Variants in ZNF85 observed in about 807,000 individuals in gnomAD.
ZNF85 encodes zinc finger protein 85 (HPF4, HTF1).
ZNF85 carries 50 observed loss-of-function variants against 53.9 expected under a neutral mutation model. The ratio of observed to expected loss-of-function variants is 0.93; its 90% CI spans 0.74 to 1.17. The LOEUF (loss-of-function observed/expected upper bound fraction) is 1.17, where lower values mean the gene tolerates loss of function less well. Among genes scored for constraint, ZNF85 ranks in the 50% most tolerant of loss-of-function variants. The probability of loss-of-function intolerance (pLI) is 0.00; values close to 1 mark genes in which losing one functional copy is unlikely to be tolerated. For synonymous variants in ZNF85, 225 were observed against 226.1 expected (o/e 1.00, Z 0.04); for missense variants, 747 against 688.5 (o/e 1.08, Z -0.95).
chr19:20,946,592 A>ACACACACACCCC (rs367859040), intron 3 of ZNF85, among the ~76,000 whole-genome samples: 7 of 151,432 alleles, frequency 4.6e-5, no homozygotes, highest in South Asian at 2.1e-4. Context: ...ACACACACAC[A>ACACACACACCCC]CCCCACAAAT....
chr19:20,942,978 G>A (rs1380149358), intron 3 of ZNF85: 1 of 527,738 alleles, frequency 1.9e-6, no homozygotes, highest in Non-Finnish European at 3.3e-6. Context: ...GTCTCACTTT[G>A]TTGCCCAGTC....
intron 3 of ZNF85, 36 bp downstream of exon 3, chr19:20,935,083 CAT>C: frequency 6.9e-7 from 1 of 1,439,758 alleles, no homozygotes; most frequent in Admixed American, 1.8e-5. Context: ...GCAGATGACA[CAT>C]GAGAGGTCCA....
chr19:20,923,473 C>T (rs1013536331), intron 1 of ZNF85, 70 bp downstream of exon 1: 7 of 1,610,014 alleles, frequency 4.3e-6, no homozygotes, highest in African/African-American at 2.7e-5. Context: ...GCGGCTGTGG[C>T]GGGACTCAGG....
chr19:20,946,538 A>G, intron 3 of ZNF85: 1 of 228,500 alleles, frequency 4.4e-6, no homozygotes, highest in East Asian at 1.3e-4. Flanking sequence ...TTTGTTTTAT[A>G]TATTTGGAAC....
chr19:20,949,245 A>G lies in ZNF85; in HGVS notation c.731A>G (p.Asn244Ser). Reference protein sequence around the residue: ...ECGKAFNQSSNLIKHKKIHTG... With the variant: ...ECGKAFNQSSSLIKHKKIHTG... ...GGTAAAGCCTTTAACCAGTCCTCAAACCTTATTAAACATAAGAAAATTCAT... is the reference window on the plus strand; with the variant it reads ...GGTAAAGCCTTTAACCAGTCCTCAAGCCTTATTAAACATAAGAAAATTCAT... Residue 244 changes from asparagine to serine, a missense_variant, in exon 4 of 4, where the codon AAC (asparagine) becomes AGC (serine). Transcript: ENST00000328178. 1 of 1,612,824 alleles carries G rather than the reference A, an allele frequency of 6.2e-7. No individual in the cohort carries two copies. Among genetic ancestry groups the G allele is most frequent in the Non-Finnish European group, 8.5e-7 (1 of 1,179,516 alleles).
chr19:20,935,970 C>T (rs1370973664), intron 3 of ZNF85, among the ~76,000 whole-genome samples: 2 of 152,012 alleles, frequency 1.3e-5, no homozygotes, highest in Non-Finnish European at 2.9e-5. Flanking sequence ...TTATTTGTGT[C>T]TTCTCTAGTT....
intron 1 of ZNF85, among the ~76,000 whole-genome samples, chr19:20,930,029 G>A (rs1972971998): frequency 1.3e-5 from 2 of 148,282 alleles, no homozygotes; most frequent in South Asian, 4.3e-4. Flanking sequence ...GCTGAGGCAG[G>A]AGAATCTCTT....
At chr19:20,929,995 C>G (rs901875909) in intron 1 of ZNF85, among the ~76,000 whole-genome samples, 11 of 151,952 alleles carry the variant, frequency 7.2e-5, no homozygotes, top group Non-Finnish European at 4.4e-5. Flanking sequence ...TTGGCATGCA[C>G]CCGTAATCCC....
chr19:20,935,460 G>A (rs925976731), intron 3 of ZNF85, among the ~76,000 whole-genome samples: 2 of 151,854 alleles, frequency 1.3e-5, no homozygotes, highest in African/African-American at 4.8e-5. Context: ...TTCCATTGGG[G>A]GTTTTTTTGT....
intron 1 of ZNF85, among the ~76,000 whole-genome samples, chr19:20,924,176 G>T (rs1205563146): frequency 3.3e-5 from 5 of 152,076 alleles, no homozygotes; most frequent in African/African-American, 9.7e-5. Flanking sequence ...CTCAGCTATG[G>T]TTTGTAGTTT....
At chr19:20,933,940 A>T in intron 1 of ZNF85, 84 bp from the exon 2 acceptor site, 1 of 1,376,868 alleles carries the variant, frequency 7.3e-7, no homozygotes, top group Middle Eastern at 1.9e-4. Context: ...AATGCTTTTC[A>T]TAACCAGTTG....
chr19:20,925,225 G>A (rs1344493543), intron 1 of ZNF85, among the ~76,000 whole-genome samples: 1 of 152,218 alleles, frequency 6.6e-6, no homozygotes, highest in East Asian at 1.9e-4. Flanking sequence ...TTGTGAGGCC[G>A]AGGCGGGCGG....
rs917987626 is a variant in ZNF85, at chr19:20,950,587, T to G, written c.*285T>G. Reference sequence around the variant, plus strand: ...TCACACCTTACTGCACAGAAAAGAATTTTTAGTTGAGAAAAAGTATACAAA... The same window carrying G: ...TCACACCTTACTGCACAGAAAAGAAGTTTTAGTTGAGAAAAAGTATACAAA... On this transcript the variant is annotated 3_prime_UTR_variant, in exon 4 of 4. Coordinates refer to ENST00000328178, the MANE Select transcript of ZNF85 (RefSeq NM_003429.5). 1.1e-5 allele frequency: 3 copies of G among 268,504 alleles called. No individual in the cohort carries two copies. The highest frequency in any genetic ancestry group is 2.2e-5 in the African/African-American group (1 of 45,576). 16.6% of individuals were successfully genotyped at this position (268,504 alleles called of 1,614,324 possible). A position where few individuals can be genotyped will look rare whatever the true frequency, so the allele number is the denominator to read the frequency against.
chr19:20,933,979 GTGTGTGTGTGTGTGTGTGTATGTGTA>G lies in ZNF85; in HGVS notation c.4-35_4-10del, dbSNP rs774269770. 2 of 1,352,088 alleles carry G rather than the reference GTGTGTGTGTGTGTGTGTGTATGTGTA, an allele frequency of 1.5e-6. No homozygotes were observed. The highest frequency in any genetic ancestry group is 1.3e-5 in the South Asian group (1 of 75,052). The allele number at this position is 1,352,088 out of a possible 1,614,324, so 83.8% of individuals were successfully genotyped here. On this transcript the variant is annotated intron_variant, in intron 1 of 3. Coordinates refer to ENST00000328178, the MANE Select transcript of ZNF85 (RefSeq NM_003429.5). The stretch of plus-strand genomic sequence containing the variant: ...ATTATGTGTGTGTGTGTGTGTGTGT[GTGTGTGTGTGTGTGTGTGTATGTGTA>G]TGTGTGTGTATCTTTCAGGGACCAT...
At position 20,948,917 on chromosome 19, in the gene ZNF85, A is replaced by T. The variant is rs1178394394; in HGVS notation, c.403A>T (p.Asn135Tyr). Residue 135 changes from asparagine (N) to tyrosine (Y), a missense_variant, in exon 4 of 4, where the codon AAC becomes TAC. By Grantham distance (143) the Asn-to-Tyr change is moderately radical. Transcript: ENST00000328178. ...KMHKGGCNGL[N>Y]QCLTATQSKI... ...GCACAAAGGAGGTTGTAATGGACTT[A>T]ACCAATGTCTCACAGCTACCCAGAG... 1 of 1,613,770 alleles carries T rather than the reference A, an allele frequency of 6.2e-7. No homozygotes were observed.
At chr19:20,938,095 C>T (rs566767295) in intron 3 of ZNF85, among the ~76,000 whole-genome samples, 4 of 152,136 alleles carry the variant, frequency 2.6e-5, no homozygotes, top group South Asian at 4.1e-4. Flanking sequence ...GTTTTTGAGA[C>T]GGAGTCTCAC....
At chr19:20,944,502 A>G (rs1378399712) in intron 3 of ZNF85, among the ~76,000 whole-genome samples, 1 of 147,154 alleles carries the variant, frequency 6.8e-6, no homozygotes, top group Non-Finnish European at 1.5e-5. Flanking sequence ...TTATATACTT[A>G]TATATTATAT....
At chr19:20,923,471 G>GGC in intron 1 of ZNF85, 68 bp downstream of exon 1, 1 of 1,611,274 alleles carries the variant, frequency 6.2e-7, no homozygotes, top group South Asian at 1.1e-5. Flanking sequence ...AAGCGGCTGT[G>GGC]GCGGGACTCA....
intron 1 of ZNF85, among the ~76,000 whole-genome samples, chr19:20,930,222 TA>T (rs1972982595): frequency 6.6e-6 from 1 of 150,586 alleles, no homozygotes; most frequent in Non-Finnish European, 1.5e-5. Context: ...CCAAAACAGA[TA>T]AATGGTAAAA....
Sources: allele counts gnomAD v4.1 joint callset (sites outside exome capture counted in the v4.1 genomes callset), GRCh38; gene constraint gnomAD v4.1.1; transcripts MANE v1.5; gene names NCBI Gene and HGNC (gene_info 2026-07-23, HGNC 2026-07-21).